The following EIF2B3 variants were observed in gnomAD, a reference collection of about 807,000 sequenced individuals.
EIF2B3 encodes the protein eukaryotic translation initiation factor 2B subunit gamma.
EIF2B3 carries 20 observed loss-of-function variants against 54.1 expected under a neutral mutation model. The ratio of observed to expected loss-of-function variants is 0.37; its 90% CI spans 0.26 to 0.54. The LOEUF (loss-of-function observed/expected upper bound fraction) is 0.54, where lower values mean the gene tolerates loss of function less well. Ranked by LOEUF, EIF2B3 falls within the 20% of genes least tolerant of loss-of-function variation. EIF2B3 has a pLI of 0.86. For synonymous variants in EIF2B3, 153 were observed against 188.1 expected, an observed-to-expected ratio of 0.81 and a Z score of 1.52; for missense variants, 448 against 547.8, an observed-to-expected ratio of 0.82 and a Z score of 1.82.
At chr1:44,924,677 T>G (rs954792966) in intron 5 of EIF2B3, among the ~76,000 whole-genome samples, 1 of 152,192 alleles carries the variant, frequency 6.6e-6, no homozygotes, top group Non-Finnish European at 1.5e-5. Flanking sequence ...TGAGCCACCA[T>G]GCCTGGCCAA....
chr1:44,894,624 G>A (rs1655904757), intron 6 of EIF2B3, among the ~76,000 whole-genome samples: 1 of 152,072 alleles, frequency 6.6e-6, no homozygotes, highest in South Asian at 2.1e-4. Context: ...ATAACACAGG[G>A]TAGAATATGT....
chr1:44,976,391 A>G (rs1028833336), intron 3 of EIF2B3, among the ~76,000 whole-genome samples: 1 of 152,226 alleles, frequency 6.6e-6, no homozygotes, highest in African/African-American at 2.4e-5. Context: ...TAAAACCACA[A>G]TGAGATACCA....
At chr1:44,872,793 A>G (rs1485564843) in intron 10 of EIF2B3, among the ~76,000 whole-genome samples, 3 of 152,142 alleles carry the variant, frequency 2.0e-5, no homozygotes, top group South Asian at 4.1e-4. Flanking sequence ...ACAGATCTCT[A>G]CCATAGCACC....
At chr1:44,912,138 G>C (rs945474432) in intron 5 of EIF2B3, among the ~76,000 whole-genome samples, 2 of 152,036 alleles carry the variant, frequency 1.3e-5, no homozygotes, top group Non-Finnish European at 2.9e-5. Flanking sequence ...CCAAGTCTTT[G>C]CTATTGTGAA....
chr1:44,924,678 G>A lies in EIF2B3; in HGVS notation c.566+1950C>T, dbSNP rs138439916. On this transcript the variant is annotated intron_variant, in intron 5 of 11. Coordinates refer to ENST00000360403, the MANE Select transcript of EIF2B3 (RefSeq NM_020365.5). ...TGGAATTACAGGCGTGAGCCACCAT[G>A]CCTGGCCAATCCTCTTTTTTTTGGT... Among the ~76,000 whole-genome samples, 22 of 152,258 alleles carry A rather than the reference G, an allele frequency of 1.4e-4. No homozygotes were observed. The East Asian group carries it at 4.2e-3, about 29-fold the overall frequency.
At chr1:44,935,230 T>C (rs537701715) in intron 4 of EIF2B3, among the ~76,000 whole-genome samples, 1 of 152,174 alleles carries the variant, frequency 6.6e-6, no homozygotes, top group Non-Finnish European at 1.5e-5. Context: ...TAAATCATGA[T>C]AGTATTAAAC....
intron 3 of EIF2B3, among the ~76,000 whole-genome samples, chr1:44,967,529 A>G (rs1298387925): frequency 1.3e-5 from 2 of 151,610 alleles, no homozygotes; most frequent in African/African-American, 2.4e-5. Context: ...TCACGAGGTC[A>G]GGAGTTTGAG....
chr1:44,969,425 G>GC (rs1644379115), intron 3 of EIF2B3, among the ~76,000 whole-genome samples: 1 of 152,136 alleles, frequency 6.6e-6, no homozygotes, highest in South Asian at 2.1e-4. Flanking sequence ...GAAAAAACAT[G>GC]CTGAAATTAT....
intron 5 of EIF2B3, among the ~76,000 whole-genome samples, chr1:44,902,665 TAAAG>T (rs1436120082): frequency 2.0e-5 from 3 of 150,332 alleles, no homozygotes; most frequent in African/African-American, 7.3e-5. Context: ...CCACAAAAAA[TAAAG>T]AAAGAAAAAC....
chr1:44,883,145 G>A (rs1199475048), intron 6 of EIF2B3, among the ~76,000 whole-genome samples: 1 of 150,706 alleles, frequency 6.6e-6, no homozygotes, highest in Non-Finnish European at 1.5e-5. Context: ...ACCATCCTGA[G>A]GTCAGGAGTC....
chr1:44,880,907 G>A (rs1323684028), intron 7 of EIF2B3, among the ~76,000 whole-genome samples: 1 of 152,004 alleles, frequency 6.6e-6, no homozygotes, highest in Admixed American at 6.5e-5. Context: ...CTTGCAGTGA[G>A]CCGAGATTGC....
chr1:44,950,472 T>C (rs1200083869), intron 3 of EIF2B3, among the ~76,000 whole-genome samples: 1 of 152,058 alleles, frequency 6.6e-6, no homozygotes, highest in Non-Finnish European at 1.5e-5. Context: ...AATTTTAGCA[T>C]GTTATTTAGA....
intron 3 of EIF2B3, among the ~76,000 whole-genome samples, chr1:44,952,184 C>G (rs1261922488): frequency 7.2e-6 from 1 of 138,960 alleles, no homozygotes; most frequent in African/African-American, 2.7e-5. Flanking sequence ...AGGATGGTCT[C>G]GATCTCCTGA....
At chr1:44,948,674 C>T (rs1459309414) in intron 3 of EIF2B3, among the ~76,000 whole-genome samples, 2 of 152,128 alleles carry the variant, frequency 1.3e-5, no homozygotes, top group African/African-American at 4.8e-5. Flanking sequence ...TCCTCTGGTA[C>T]TTAATTCTGT....
intron 3 of EIF2B3, among the ~76,000 whole-genome samples, chr1:44,952,067 A>C (rs1318607472): frequency 8.1e-6 from 1 of 122,826 alleles, no homozygotes; most frequent in Non-Finnish European, 1.7e-5. Flanking sequence ...GGTTCACGCC[A>C]TTCTCCTGCC....
At chr1:44,852,409 T>C (rs1023077230) in intron 11 of EIF2B3, among the ~76,000 whole-genome samples, 1 of 152,194 alleles carries the variant, frequency 6.6e-6, no homozygotes, top group African/African-American at 2.4e-5. Flanking sequence ...GTCCATTTCC[T>C]GCTTTGTGAA....
intron 5 of EIF2B3, among the ~76,000 whole-genome samples, chr1:44,923,654 CCAT>C (rs748505106): frequency 6.6e-6 from 1 of 151,768 alleles, no homozygotes; most frequent in African/African-American, 2.4e-5. Context: ...TTTCTTCTCT[CCAT>C]TTCTTTCTTT....
At chr1:44,864,454 C>T (rs1052061668) in intron 10 of EIF2B3, among the ~76,000 whole-genome samples, 4 of 151,876 alleles carry the variant, frequency 2.6e-5, no homozygotes, top group Admixed American at 1.3e-4. Flanking sequence ...CCCAGCTACT[C>T]GGAAGGCTGA....
chr1:44,959,002 T>G (rs945813053), intron 3 of EIF2B3: 14 of 740,392 alleles, frequency 1.9e-5, no homozygotes, highest in Non-Finnish European at 3.4e-5. Context: ...ATGAAGAAAG[T>G]GCTAGAAGAA....
Sources: allele counts gnomAD v4.1 joint callset (sites outside exome capture counted in the v4.1 genomes callset), GRCh38; gene constraint gnomAD v4.1.1; transcripts MANE v1.5; gene names NCBI Gene and HGNC (gene_info 2026-07-23, HGNC 2026-07-21).